JUP: variants seen among roughly 807,000 people sequenced by gnomAD.
JUP encodes catenin (cadherin-associated protein), gamma 80kDa.
JUP carries 28 observed loss-of-function variants against 71.1 expected under a neutral mutation model. The observed-to-expected ratio is 0.39, with a 90% CI of 0.29 to 0.54. JUP has a LOEUF of 0.54. Ranked by LOEUF, JUP falls within the 20% of genes least tolerant of loss-of-function variation. The pLI is 0.62. For missense variants in JUP, 869 were observed against 1,030.1 expected (o/e 0.84, Z 2.14); for synonymous variants, 401 against 438.9 (o/e 0.91, Z 1.08).
chr17:41,771,847 AC>A lies in JUP; in HGVS notation c.7del (p.Val3Ter). The A allele has an allele frequency of 1.9e-6, 3 of 1,610,922 alleles. No individual in the cohort carries two copies. The highest frequency in any genetic ancestry group is 2.2e-5 in the East Asian group (1 of 44,774). On this transcript the variant is annotated frameshift_variant, in exon 2 of 14. Coordinates refer to ENST00000393931, the MANE Select transcript of JUP (RefSeq NM_002230.4). LOFTEE classifies it high-confidence loss of function. ...GATAGGCTGCTCCATCAGGTTCATCACCTCCATCGTGGCTACTGGGGGCACA... is the reference window on the plus strand; with the variant it reads ...GATAGGCTGCTCCATCAGGTTCATCACTCCATCGTGGCTACTGGGGGCACA... ME[V>X]MNLMEQPIKV...
intron 5 of JUP, among the ~76,000 whole-genome samples, chr17:41,765,575 A>G (rs1334691687): frequency 6.8e-6 from 1 of 147,896 alleles, no homozygotes; most frequent in Non-Finnish European, 1.5e-5. Context: ...CTGGTTTCAA[A>G]CTCCTGACCT....
chr17:41,780,320 C>T (rs1003556387), intron 1 of JUP, among the ~76,000 whole-genome samples: 8 of 151,592 alleles, frequency 5.3e-5, no homozygotes, highest in Non-Finnish European at 1.0e-4. Flanking sequence ...TTGCTTGAAC[C>T]CAGGAATTCA....
At chr17:41,785,730 C>T (rs1377960538) in intron 1 of JUP, among the ~76,000 whole-genome samples, 1 of 152,194 alleles carries the variant, frequency 6.6e-6, no homozygotes, top group African/African-American at 2.4e-5. Context: ...AAGACGGGTC[C>T]TGTTCCCCTA....
intron 8 of JUP, among the ~76,000 whole-genome samples, chr17:41,762,140 A>G (rs1914917460): frequency 1.1e-5 from 1 of 90,932 alleles, no homozygotes; most frequent in Admixed American, 1.1e-4. Flanking sequence ...AGAGAGAGAG[A>G]GAGAGAGAGA....
intron 1 of JUP, among the ~76,000 whole-genome samples, chr17:41,779,213 G>T (rs1454827746): frequency 3.4e-5 from 5 of 149,186 alleles, no homozygotes; most frequent in African/African-American, 1.2e-4. Context: ...TCCAGCCTGG[G>T]CAACAAGAGC....
At position 41,771,800 on chromosome 17, in the gene JUP, T is replaced by C. The variant is rs1555607105; in HGVS notation, c.55A>G (p.Thr19Ala). The change falls in exon 2 of 14, where the codon ACA becomes GCA. Residue 19 changes from threonine to alanine, a missense_variant. Thr to Ala is a moderately conservative substitution (Grantham distance 58, BLOSUM62 0). Transcript: ENST00000393931. ...QPIKVTEWQQ[T>A]YTYDSGIHSG... is the part of the protein sequence containing the mutation. ...TGGATACCCGAGTCGTAGGTGTATGTCTGCTGCCACTCAGTCACCTTGATA... is the reference window on the plus strand; with the variant it reads ...TGGATACCCGAGTCGTAGGTGTATGCCTGCTGCCACTCAGTCACCTTGATA... The C allele has an allele frequency of 1.9e-6, 3 of 1,613,684 alleles. No individual in the cohort carries two copies. The highest frequency in any genetic ancestry group is 2.5e-6 in the Non-Finnish European group (3 of 1,179,932).
chr17:41,770,503 A>G (rs1916483996), intron 2 of JUP, among the ~76,000 whole-genome samples: 1 of 152,078 alleles, frequency 6.6e-6, no homozygotes, highest in African/African-American at 2.4e-5. Flanking sequence ...TGCTACCAAC[A>G]CAGTGCCTGG....
At chr17:41,764,040 A>G (rs72835664) in intron 7 of JUP, among the ~76,000 whole-genome samples, 230 of 152,312 alleles carry the variant, frequency 1.5e-3, no homozygotes, top group Non-Finnish European at 2.5e-3. Context: ...TGAATGAGCT[A>G]CTGTCCACAA....
chr17:41,758,835 G>T lies in JUP; in HGVS notation c.1533C>A (p.Cys511Ter). The T allele has an allele frequency of 6.2e-7, 1 of 1,609,962 alleles. No homozygotes were observed. ...TIGLIRNLAL[C>*]PANHAPLQEA... ...CCTGCAGCGGGGCATGGTTGGCTGG[G>T]CACAGGGCCAGATTCCTGATCAAGC... The change falls in exon 9 of 14, where the codon TGC (cysteine) becomes TGA (stop). Residue 511 changes from cysteine (C) to a stop codon, truncating the protein, a stop_gained. Transcript: ENST00000393931. LOFTEE classifies it high-confidence loss of function.
At chr17:41,760,952 G>C (rs1914708577) in intron 8 of JUP, among the ~76,000 whole-genome samples, 1 of 152,188 alleles carries the variant, frequency 6.6e-6, no homozygotes, top group Non-Finnish European at 1.5e-5. Flanking sequence ...ATCGATGGTA[G>C]CTTCCTCACT....
intron 12 of JUP, 60 bp from the exon 13 acceptor site, chr17:41,756,274 CT>C: frequency 1.3e-6 from 2 of 1,538,732 alleles, no homozygotes; most frequent in Non-Finnish European, 1.8e-6. Flanking sequence ...CGAGCTGGAT[CT>C]CAGCTGGTGG....
At position 41,764,534 on chromosome 17, in the gene JUP, G is replaced by GGAAAAAAAAAAAAAAAAAAAAAAAAAA. The variant is rs60346985; in HGVS notation, c.1158+178_1158+179insTTTTTTTTTTTTTTTTTTTTTTTTTTC. ...TAGGTGACAGAGTGAGACTCCGTCAGAAAAAAAAAAAAAAAAAAAAAAAGA... is the reference window on the plus strand; with the variant it reads ...TAGGTGACAGAGTGAGACTCCGTCAGGAAAAAAAAAAAAAAAAAAAAAAAAAAAAAAAAAAAAAAAAAAAAAAAAAGA... On this transcript the variant is annotated intron_variant, in intron 7 of 13. Transcript: ENST00000393931. 9.5e-5 allele frequency among the ~76,000 whole-genome samples: 8 copies of GGAAAAAAAAAAAAAAAAAAAAAAAAAA among 83,910 alleles called. 4 individuals carry two copies. Among genetic ancestry groups the GGAAAAAAAAAAAAAAAAAAAAAAAAAA allele is most frequent in the Non-Finnish European group, 8.3e-5 (4 of 48,206 alleles). 55.0% of individuals were successfully genotyped at this position (83,910 alleles called of 152,430 possible).
Position 41,768,999 on chromosome 17 carries a change from C to A in JUP, c.677G>T (p.Gly226Val). The A allele has an allele frequency of 1.2e-6, 2 of 1,608,908 alleles. No individual in the cohort carries two copies. The highest frequency in any genetic ancestry group is 1.7e-6 in the Non-Finnish European group (2 of 1,178,036). ...CATGCGGACCAGAGCAGGGATGCCA[C>A]CCGACTTGAAGATGGCGAGCAGCCC... ...REGLLAIFKSGGIPALVRMLS... is the reference protein window; with the variant it reads ...REGLLAIFKSVGIPALVRMLS... Residue 226 changes from glycine (G) to valine (V), a missense_variant, in exon 4 of 14, where the codon GGT becomes GTT. Coordinates refer to ENST00000393931, the MANE Select transcript of JUP (RefSeq NM_002230.4).
At chr17:41,764,042 T>C (rs1555602799) in intron 7 of JUP, among the ~76,000 whole-genome samples, 1 of 152,230 alleles carries the variant, frequency 6.6e-6, no homozygotes, top group African/African-American at 2.4e-5. Context: ...AATGAGCTAC[T>C]GTCCACAAAT....
chr17:41,771,632 C>T lies in JUP; in HGVS notation c.208+15G>A, dbSNP rs1345930230. ...AGGTTTTCTGCCCCATGCAATAGTCCCCAGGGGTCCTGACCTTGGCTGGGG... is the reference window on the plus strand; with the variant it reads ...AGGTTTTCTGCCCCATGCAATAGTCTCCAGGGGTCCTGACCTTGGCTGGGG... On this transcript the variant is annotated intron_variant, in intron 2 of 13. Transcript: ENST00000393931. 13 of 1,611,428 alleles carry T rather than the reference C, an allele frequency of 8.1e-6. No individual in the cohort carries two copies. Among genetic ancestry groups the T allele is most frequent in the African/African-American group, 2.7e-5 (2 of 74,868 alleles).
Position 41,767,596 on chromosome 17 carries a change from G to T in JUP, c.708-16C>A. ...CACAGGGGAGCTGGGGGGGTGGGCA[G>T]GGGTTAGTACGCTGAGGTCCCAGAG... On this transcript the variant is annotated splice_polypyrimidine_tract_variant and intron_variant, in intron 4 of 13. Transcript: ENST00000393931. 6.3e-7 allele frequency: 1 copy of T among 1,596,690 alleles called. No individual in the cohort carries two copies. Among genetic ancestry groups the T allele is most frequent in the Non-Finnish European group, 8.6e-7 (1 of 1,168,458 alleles).
In JUP at chr17:41,759,527, G is replaced by A. The variant is rs187560897; in HGVS notation, c.1498-657C>T. On this transcript the variant is annotated intron_variant, in intron 8 of 13. Coordinates refer to ENST00000393931, the MANE Select transcript of JUP (RefSeq NM_002230.4). ...GCTTGCTTTTCTGATAGTCCTCCAA[G>A]CCTGATTCTCAGGAATTCTGTGCTC... is the stretch of plus-strand genomic sequence containing the variant. 2.5e-3 allele frequency among the ~76,000 whole-genome samples: 362 copies of A among 144,644 alleles called. 2 individuals are homozygous for A. Among genetic ancestry groups the A allele is most frequent in the African/African-American group, 9.0e-3 (348 of 38,788 alleles). The allele number at this position is 144,644 out of a possible 152,430, so 94.9% of individuals were successfully genotyped here. A position where few individuals can be genotyped will look rare whatever the true frequency, so the allele number is the denominator to read the frequency against.
intron 1 of JUP, among the ~76,000 whole-genome samples, chr17:41,782,464 C>G (rs987159244): frequency 6.6e-5 from 10 of 152,172 alleles, no homozygotes; most frequent in Admixed American, 2.0e-4. Flanking sequence ...CTTGGCATAG[C>G]CCCAGCCCCC....
intron 1 of JUP, among the ~76,000 whole-genome samples, chr17:41,779,940 G>T (rs78564293): frequency 0.032 from 4,867 of 151,846 alleles, 256 homozygotes; most frequent in African/African-American, 0.11. Flanking sequence ...CCTTCAGAGC[G>T]GTTGGGATTA....
Sources: gnomAD v4.1 joint callset for allele counts (sites outside exome capture counted in the v4.1 genomes callset) on GRCh38, gnomAD v4.1.1 for gene constraint, MANE v1.5 for transcripts, NCBI Gene and HGNC (gene_info 2026-07-23, HGNC 2026-07-21) for gene names.